The following CACNG5 variants were observed in gnomAD, a reference collection of about 807,000 sequenced individuals.
CACNG5 encodes calcium voltage-gated channel auxiliary subunit gamma 5, also known as voltage-dependent calcium channel gamma-5 subunit.
Under a neutral mutation model 24.8 loss-of-function variants are expected in CACNG5, and 18 were observed. The observed-to-expected ratio is 0.73, with a 90% CI of 0.50 to 1.08. The LOEUF (loss-of-function observed/expected upper bound fraction) is 1.08, where lower values mean the gene tolerates loss of function less well. CACNG5 is among the 50% of genes least tolerant of loss of function. CACNG5 has a pLI of 0.00. For synonymous variants in CACNG5, 157 were observed against 149.1 expected, an observed-to-expected ratio of 1.05 and a Z score of -0.39; for missense variants, 349 against 367.9, an observed-to-expected ratio of 0.95 and a Z score of 0.42.
At chr17:66,878,642 C>T (rs538107511) in intron 2 of CACNG5, among the ~76,000 whole-genome samples, 2 of 152,302 alleles carry the variant, frequency 1.3e-5, no homozygotes, top group East Asian at 3.9e-4. Flanking sequence ...CCATTGTCAG[C>T]CCCATCTGGC....
intron 1 of CACNG5, 35 bp from the exon 2 acceptor site, chr17:66,877,195 C>A: frequency 1.5e-6 from 1 of 682,886 alleles, no homozygotes; most frequent in Non-Finnish European, 2.4e-6. Flanking sequence ...TGGGGTTTGA[C>A]TTTAGTTACT....
intron 1 of CACNG5, among the ~76,000 whole-genome samples, chr17:66,836,189 C>T (rs1028051529): frequency 2.0e-5 from 3 of 152,186 alleles, no homozygotes; most frequent in African/African-American, 7.2e-5. Flanking sequence ...GGGATTCACC[C>T]ACTTTGCACT....
chr17:66,883,093 C>A (rs1050616831), intron 4 of CACNG5, among the ~76,000 whole-genome samples: 14 of 152,196 alleles, frequency 9.2e-5, no homozygotes, highest in Non-Finnish European at 1.5e-5. Context: ...ATCCTTCCAC[C>A]CTTCCATGCA....
chr17:66,873,811 T>A (rs1480309068), intron 1 of CACNG5, among the ~76,000 whole-genome samples: 6 of 152,194 alleles, frequency 3.9e-5, no homozygotes, highest in Non-Finnish European at 8.8e-5. Context: ...ATGTCTTTTT[T>A]TTTTCTTTGC....
intron 4 of CACNG5, among the ~76,000 whole-genome samples, chr17:66,883,521 T>C (rs1019668154): frequency 5.1e-4 from 77 of 152,244 alleles, no homozygotes; most frequent in Admixed American, 5.0e-3. Context: ...AATTATGTCT[T>C]GATTCAATTA....
intron 1 of CACNG5, among the ~76,000 whole-genome samples, chr17:66,869,115 G>C (rs140091745): frequency 6.6e-6 from 1 of 151,778 alleles, no homozygotes; most frequent in Non-Finnish European, 1.5e-5. Context: ...ATGGAGTCTC[G>C]CTCTGTCATC....
chr17:66,877,540 C>T lies in CACNG5; in HGVS notation c.196+12C>T. On this transcript the variant is annotated intron_variant, in intron 2 of 5. Coordinates refer to ENST00000533854, the MANE Select transcript of CACNG5 (RefSeq NM_145811.3). Reference sequence around the variant, plus strand: ...CTGCTTCCTTGCAGGTAAGGGTGCCCAGGGTTGGGGACAGCCCTGCCCCCT... The same window carrying T: ...CTGCTTCCTTGCAGGTAAGGGTGCCTAGGGTTGGGGACAGCCCTGCCCCCT... 1 of 1,611,578 alleles carries T rather than the reference C, an allele frequency of 6.2e-7. No homozygotes were observed. The highest frequency in any genetic ancestry group is 8.5e-7 in the Non-Finnish European group (1 of 1,178,712).
intron 1 of CACNG5, among the ~76,000 whole-genome samples, chr17:66,844,082 T>G (rs1455106037): frequency 6.6e-6 from 1 of 152,074 alleles, no homozygotes; most frequent in Non-Finnish European, 1.5e-5. Flanking sequence ...GGGTCACCGG[T>G]GTTCTCTGAT....
chr17:66,853,611 A>G (rs1393994621), intron 1 of CACNG5, among the ~76,000 whole-genome samples: 1 of 152,258 alleles, frequency 6.6e-6, no homozygotes, highest in Non-Finnish European at 1.5e-5. Flanking sequence ...GATTAAGAGT[A>G]TATATGTAAG....
chr17:66,846,324 C>T (rs1976637627), intron 1 of CACNG5, among the ~76,000 whole-genome samples: 1 of 152,150 alleles, frequency 6.6e-6, no homozygotes, highest in African/African-American at 2.4e-5. Context: ...AAATGTTGTG[C>T]AACTCTCAGC....
chr17:66,894,619 T>C lies in CACNG5; in HGVS notation c.*9379T>C, dbSNP rs905083501. 3.9e-5 allele frequency among the ~76,000 whole-genome samples: 6 copies of C among 152,134 alleles called. No individual in the cohort carries two copies. Among genetic ancestry groups the C allele is most frequent in the Admixed American group, 1.3e-4 (2 of 15,264 alleles). On this transcript the variant is annotated 3_prime_UTR_variant, in exon 6 of 6. Coordinates refer to ENST00000533854, the MANE Select transcript of CACNG5 (RefSeq NM_145811.3). ...TTTTTATTCATTCATTCATTTTTTTTCCTTCCCCCTCCACCCCATGAGCAA... is the reference window on the plus strand; with the variant it reads ...TTTTTATTCATTCATTCATTTTTTTCCCTTCCCCCTCCACCCCATGAGCAA...
intron 1 of CACNG5, among the ~76,000 whole-genome samples, chr17:66,841,459 C>A (rs12603665): frequency 6.6e-6 from 1 of 151,978 alleles, no homozygotes; most frequent in Non-Finnish European, 1.5e-5. Flanking sequence ...CATCCTCAAA[C>A]GCCCACTGCT....
intron 1 of CACNG5, among the ~76,000 whole-genome samples, chr17:66,873,423 C>T (rs918011652): frequency 6.6e-6 from 1 of 152,178 alleles, no homozygotes; most frequent in African/African-American, 2.4e-5. Flanking sequence ...AGGTCACTTT[C>T]AGCCTCTTTT....
rs1479174260 is a variant in CACNG5 at position 66,892,069 on chromosome 17, C to T, written c.*6829C>T. ...TCACTGTAGCTGGGGATAAGGCCAC[C>T]TTCTGAGTCTGGCTGGGGAGTGGTG... On this transcript the variant is annotated 3_prime_UTR_variant, in exon 6 of 6. Transcript: ENST00000533854. Among the ~76,000 whole-genome samples the T allele has an allele frequency of 6.6e-6, 1 of 152,206 alleles. No individual in the cohort carries two copies. Among genetic ancestry groups the T allele is most frequent in the Admixed American group, 6.5e-5 (1 of 15,284 alleles).
chr17:66,865,198 G>A (rs1568067747), intron 1 of CACNG5, among the ~76,000 whole-genome samples: 1 of 150,028 alleles, frequency 6.7e-6, no homozygotes, highest in African/African-American at 2.4e-5. Context: ...GGCTATTTGT[G>A]TGTAGCTGTT....
At chr17:66,877,800 C>G (rs1330847067) in intron 2 of CACNG5, among the ~76,000 whole-genome samples, 3 of 152,222 alleles carry the variant, frequency 2.0e-5, no homozygotes, top group African/African-American at 7.2e-5. Flanking sequence ...ACACTCTGCT[C>G]CCAGGACTGG....
chr17:66,860,999 G>A (rs1261813668), intron 1 of CACNG5, among the ~76,000 whole-genome samples: 1 of 150,466 alleles, frequency 6.6e-6, no homozygotes, highest in Admixed American at 6.7e-5. Context: ...TAATACATAA[G>A]CATTTTATAT....
intron 1 of CACNG5, among the ~76,000 whole-genome samples, chr17:66,849,140 C>T (rs892144277): frequency 2.6e-5 from 4 of 152,176 alleles, no homozygotes; most frequent in Admixed American, 2.0e-4. Flanking sequence ...TCTGCCTCTG[C>T]GGAGGGAAAT....
intron 1 of CACNG5, among the ~76,000 whole-genome samples, chr17:66,866,454 A>G (rs1207835825): frequency 3.3e-5 from 5 of 152,000 alleles, no homozygotes; most frequent in Non-Finnish European, 4.4e-5. Flanking sequence ...TTATTTTTAA[A>G]TTTTATTTTA....
Sources: allele counts gnomAD v4.1 joint callset (sites outside exome capture counted in the v4.1 genomes callset), GRCh38; gene constraint gnomAD v4.1.1; transcripts MANE v1.5; gene names NCBI Gene and HGNC (gene_info 2026-07-23, HGNC 2026-07-21).